The following SUMO3 variants were observed in gnomAD, a reference collection of about 807,000 sequenced individuals.
SUMO3 encodes small ubiquitin like modifier 3.
In SUMO3, 2 loss-of-function variants were observed where a neutral mutation model predicts 11.1. The ratio of observed to expected loss-of-function variants is 0.18; its 90% confidence interval spans 0.07 to 0.57. SUMO3 has a LOEUF of 0.57. Among genes scored for constraint, SUMO3 ranks in the 20% least tolerant of loss-of-function variants. The pLI is 0.92. For synonymous variants in SUMO3, 56 were observed against 53.5 expected, an observed-to-expected ratio of 1.05 and a Z score of -0.20; for missense variants, 70 against 132.8, an observed-to-expected ratio of 0.53 and a Z score of 2.32.
rs368931038 is a variant in SUMO3 at position 44,815,698 on chromosome 21, C to T, written c.22-1594G>A. On this transcript the variant is annotated intron_variant, in intron 1 of 3. Coordinates refer to ENST00000332859, the MANE Select transcript of SUMO3 (RefSeq NM_006936.3). ...CAAAGGCACAGATGCAGGGCCCAGA[C>T]GTCCCCCACAGGGTAATGGCTGCAG... 5.9e-5 allele frequency among the ~76,000 whole-genome samples: 9 copies of T among 152,072 alleles called. No individual in the cohort carries two copies. In the South Asian group the frequency reaches 1.0e-3, roughly 18 times the overall value.
At position 44,810,605 on chromosome 21, in the gene SUMO3, C is replaced by A. The variant is rs1182279684; in HGVS notation, c.151-1487G>T. 6.6e-6 allele frequency among the ~76,000 whole-genome samples: 1 copy of A among 152,232 alleles called. No homozygotes were observed. Among genetic ancestry groups the A allele is most frequent in the Non-Finnish European group, 1.5e-5 (1 of 68,036 alleles). On this transcript the variant is annotated intron_variant, in intron 2 of 3. Coordinates refer to ENST00000332859, the MANE Select transcript of SUMO3 (RefSeq NM_006936.3). This position sits in a 1 kb window ranked among gnomAD's most constrained non-coding sequence, Gnocchi z 4.1. ...CTGTGCGCCAAGTCCCCTCTCCCCT[C>A]CAGATGCGCCTCCAGGAGGCTGGCC...
chr21:44,818,001 G>A lies in SUMO3; in HGVS notation c.-33C>T, dbSNP rs2083259845. 1.7e-6 allele frequency: 2 copies of A among 1,178,692 alleles called. No homozygotes were observed. Among genetic ancestry groups the A allele is most frequent in the Non-Finnish European group, 2.1e-6 (2 of 953,380 alleles). The allele number at this position is 1,178,692 out of a possible 1,614,324, so 73.0% of individuals were successfully genotyped here. On this transcript the variant is annotated 5_prime_UTR_variant, in exon 1 of 4. Transcript: ENST00000332859. The stretch of plus-strand genomic sequence containing the variant: ...CGAGCGGCGCGGGGAGGCGGCGCGG[G>A]GGAAGCAGCGCGGAGCGGGCGAGTC...
chr21:44,808,316 T>G lies in SUMO3; in HGVS notation c.222+731A>C, dbSNP rs528833700. 5.4e-4 allele frequency: 190 copies of G among 353,270 alleles called. 2 individuals are homozygous for G. The South Asian group carries it at 9.3e-3, about 17-fold the overall frequency. 21.9% of individuals were successfully genotyped at this position (353,270 alleles called of 1,614,324 possible). A position where few individuals can be genotyped will look rare whatever the true frequency, so the allele number is the denominator to read the frequency against. ...TCACAAGGTCAGGAGATCGAGACCA[T>G]CCTGGCTAACATGGTGAAACCCCGT... On this transcript the variant is annotated intron_variant, in intron 3 of 3. Coordinates refer to ENST00000332859, the MANE Select transcript of SUMO3 (RefSeq NM_006936.3).
rs2083212570 is a variant in SUMO3, at chr21:44,811,561, G to T, written c.150+2415C>A. Among the ~76,000 whole-genome samples the T allele has an allele frequency of 6.6e-6, 1 of 151,960 alleles. No individual in the cohort carries two copies. Among genetic ancestry groups the T allele is most frequent in the African/African-American group, 2.4e-5 (1 of 41,356 alleles). ...CGCTCCAGCTTGGGGGACAGAGTGAGACCCTGTCTCAAAAAAAATAAGTTG... is the reference window on the plus strand; with the variant it reads ...CGCTCCAGCTTGGGGGACAGAGTGATACCCTGTCTCAAAAAAAATAAGTTG... On this transcript the variant is annotated intron_variant, in intron 2 of 3. Coordinates refer to ENST00000332859, the MANE Select transcript of SUMO3 (RefSeq NM_006936.3). This position sits in a 1 kb window ranked among gnomAD's most constrained non-coding sequence, Gnocchi z 5.0.
chr21:44,807,057 A>T lies in SUMO3; in HGVS notation c.223-17T>A. The T allele has an allele frequency of 6.2e-7, 1 of 1,613,208 alleles. No homozygotes were observed. Among genetic ancestry groups the T allele is most frequent in the Non-Finnish European group, 8.5e-7 (1 of 1,179,634 alleles). On this transcript the variant is annotated splice_polypyrimidine_tract_variant and intron_variant, in intron 3 of 3. Coordinates refer to ENST00000332859, the MANE Select transcript of SUMO3 (RefSeq NM_006936.3). The surrounding 1 kb of genome is among the most constrained non-coding windows in gnomAD (Gnocchi z 4.3). ...CATCTCCAGCTGTCATGGTTGTCAC[A>T]ACAGGCACAGCGAGAGAGAGGGGAG...
At chr21:44,814,204 C>G (rs2083230610) in intron 1 of SUMO3, 100 bp from the exon 2 acceptor site, 1 of 1,455,170 alleles carries the variant, frequency 6.9e-7, no homozygotes, top group African/African-American at 1.4e-5. Flanking sequence ...TTAAAGTCAT[C>G]AAAACCAACC....
intron 1 of SUMO3, among the ~76,000 whole-genome samples, chr21:44,817,730 C>T (rs2083255649): frequency 6.7e-6 from 1 of 148,820 alleles, no homozygotes; most frequent in Non-Finnish European, 1.5e-5. Flanking sequence ...GAGGCGTGGC[C>T]AGGCCCGGAG....
Position 44,813,587 on chromosome 21 carries a change from G to C in SUMO3, c.150+389C>G. 1.1e-5 allele frequency: 3 copies of C among 275,464 alleles called. No individual in the cohort carries two copies. The South Asian group carries it at 2.2e-4, about 20-fold the overall frequency. The allele number at this position is 275,464 out of a possible 1,614,324, so 17.1% of individuals were successfully genotyped here. On this transcript the variant is annotated intron_variant, in intron 2 of 3. Coordinates refer to ENST00000332859, the MANE Select transcript of SUMO3 (RefSeq NM_006936.3). ...TCAGGCCAGCTCATACGCGAGGACA[G>C]GGTGACAGCGGCGTGGGGCACACGC...
At position 44,810,539 on chromosome 21, in the gene SUMO3, G is replaced by A. The variant is rs991390697; in HGVS notation, c.151-1421C>T. On this transcript the variant is annotated intron_variant, in intron 2 of 3. Transcript: ENST00000332859. The surrounding 1 kb of genome is among the most constrained non-coding windows in gnomAD (Gnocchi z 4.1). ...AGAAGGTGGGTGCGGAGCTCCAGGC[G>A]CAGGGCGGAAACAGGCCCACGAAAG... is the stretch of plus-strand genomic sequence containing the variant. Among the ~76,000 whole-genome samples the A allele has an allele frequency of 2.0e-5, 3 of 152,184 alleles. No homozygotes were observed. Among genetic ancestry groups the A allele is most frequent in the Non-Finnish European group, 2.9e-5 (2 of 68,028 alleles).
At chr21:44,813,461 A>T (rs2083224364) in intron 2 of SUMO3, 1 of 226,642 alleles carries the variant, frequency 4.4e-6, no homozygotes, top group African/African-American at 2.2e-5. Context: ...GCAGCTCATT[A>T]TCCTGAAACT....
chr21:44,806,643 T>C lies in SUMO3; in HGVS notation c.*308A>G. 2.1e-6 allele frequency: 1 copy of C among 469,978 alleles called. No homozygotes were observed. Among genetic ancestry groups the C allele is most frequent in the Non-Finnish European group, 3.5e-6 (1 of 286,562 alleles). The allele number at this position is 469,978 out of a possible 1,614,324, so 29.1% of individuals were successfully genotyped here. ...CCAGACTAAAAGCGAACATTCAGGC[T>C]ATAATTTTGGGGTTAAAAAAATGTT... On this transcript the variant is annotated 3_prime_UTR_variant, in exon 4 of 4. Transcript: ENST00000332859.
At chr21:44,814,344 T>G (rs1199853001) in intron 1 of SUMO3, among the ~76,000 whole-genome samples, 1 of 152,212 alleles carries the variant, frequency 6.6e-6, no homozygotes, top group African/African-American at 2.4e-5. Context: ...CCTCTGACAT[T>G]GTTAATTCAA....
At position 44,806,509 on chromosome 21, in the gene SUMO3, G is replaced by GC; in HGVS notation, c.*441dup. 1 of 161,908 alleles carries GC rather than the reference G, an allele frequency of 6.2e-6. No homozygotes were observed. The highest frequency in any genetic ancestry group is 1.4e-5 in the Non-Finnish European group (1 of 73,824). The allele number at this position is 161,908 out of a possible 1,614,324, so 10.0% of individuals were successfully genotyped here. A position where few individuals can be genotyped will look rare whatever the true frequency, so the allele number is the denominator to read the frequency against. ...ACAGTCTGTCCTCCCTACCAACCTT[G>GC]CCCCCAATACCTGTCCAACAGCTGC... is the stretch of plus-strand genomic sequence containing the variant. On this transcript the variant is annotated 3_prime_UTR_variant, in exon 4 of 4. Transcript: ENST00000332859.
At chr21:44,808,356 CA>C (rs1426913762) in intron 3 of SUMO3, 100 of 494,090 alleles carry the variant, frequency 2.0e-4, no homozygotes, top group African/African-American at 5.5e-4. Flanking sequence ...ACTAAAAATA[CA>C]AAAAAATTAG....
Position 44,810,970 on chromosome 21 carries a change from CCATGCACACACCCATGCACACACCCACA to C in SUMO3, c.151-1880_151-1853del, listed in dbSNP as rs574171369. Reference sequence around the variant, plus strand: ...CATGCACACACCCACACATGCACACCCATGCACACACCCATGCACACACCCACACATGCACACACCCACATATGCACAC... The same window carrying C: ...CATGCACACACCCACACATGCACACCCATGCACACACCCACATATGCACAC... On this transcript the variant is annotated intron_variant, in intron 2 of 3. Transcript: ENST00000332859. This position sits in a 1 kb window ranked among gnomAD's most constrained non-coding sequence, Gnocchi z 4.1. Among the ~76,000 whole-genome samples, 462 of 128,940 alleles carry C rather than the reference CCATGCACACACCCATGCACACACCCACA, an allele frequency of 3.6e-3. 1 individual carries two copies. The highest frequency in any genetic ancestry group is 6.6e-3 in the Non-Finnish European group (397 of 59,900). The allele number at this position is 128,940 out of a possible 152,430, so 84.6% of individuals were successfully genotyped here.
intron 1 of SUMO3, among the ~76,000 whole-genome samples, chr21:44,815,471 G>A (rs1328303947): frequency 6.6e-6 from 1 of 152,182 alleles, no homozygotes; most frequent in Non-Finnish European, 1.5e-5. Flanking sequence ...GTGGCTTGGC[G>A]GCAGCCTGAG....
rs752250709 is a variant in SUMO3, at chr21:44,807,178, G to A, written c.223-138C>T. The A allele has an allele frequency of 1.5e-5, 16 of 1,041,740 alleles. No homozygotes were observed. Among genetic ancestry groups the A allele is most frequent in the African/African-American group, 7.9e-5 (5 of 63,176 alleles). The allele number at this position is 1,041,740 out of a possible 1,614,324, so 64.5% of individuals were successfully genotyped here. A position where few individuals can be genotyped will look rare whatever the true frequency, so the allele number is the denominator to read the frequency against. On this transcript the variant is annotated intron_variant, in intron 3 of 3. Coordinates refer to ENST00000332859, the MANE Select transcript of SUMO3 (RefSeq NM_006936.3). The surrounding 1 kb of genome is among the most constrained non-coding windows in gnomAD (Gnocchi z 4.3). ...CCTGGTCACACCTTGGCTCTTGTCC[G>A]TCCCCTCACTGCAGCTCAGCACGCA... is the stretch of plus-strand genomic sequence containing the variant.
intron 3 of SUMO3, chr21:44,808,172 T>C (rs1019669523): frequency 1.1e-5 from 2 of 175,602 alleles, no homozygotes; most frequent in African/African-American, 4.7e-5. Flanking sequence ...CACGGGGCCA[T>C]CAGCTGACAA....
At position 44,807,120 on chromosome 21, in the gene SUMO3, TG is replaced by T. The variant is rs1404046454; in HGVS notation, c.223-81del. On this transcript the variant is annotated intron_variant, in intron 3 of 3. Transcript: ENST00000332859. The surrounding 1 kb of genome is among the most constrained non-coding windows in gnomAD (Gnocchi z 4.3). ...CATCAGAGAGTGGGAAGATCCTCAC[TG>T]GCATGAGTGTTCCCTGACACTAGCG... 9.7e-6 allele frequency: 15 copies of T among 1,540,044 alleles called. No homozygotes were observed. Among genetic ancestry groups the T allele is most frequent in the African/African-American group, 1.4e-5 (1 of 73,740 alleles).
Sources: allele counts gnomAD v4.1 joint callset (sites outside exome capture counted in the v4.1 genomes callset), GRCh38; gene constraint gnomAD v4.1.1; non-coding constraint Gnocchi (gnomAD v3.1); transcripts MANE v1.5; gene names NCBI Gene and HGNC (gene_info 2026-07-23, HGNC 2026-07-21).